The following VCAN variants were observed in gnomAD, a reference collection of about 807,000 sequenced individuals.
The protein encoded by VCAN is versican.
Under a neutral mutation model 245.5 loss-of-function variants are expected in VCAN, and 44 were observed. The observed-to-expected ratio is 0.18, with a 90% CI of 0.14 to 0.23. The LOEUF is 0.23. VCAN is among the 10% of genes least tolerant of loss of function. The pLI, the probability that VCAN is intolerant of heterozygous loss-of-function variation, is 1.00. For missense variants in VCAN, 3,793 were observed against 4,057.9 expected, an observed-to-expected ratio of 0.93 and a Z score of 1.77; for synonymous variants, 1,413 against 1,437.0, an observed-to-expected ratio of 0.98 and a Z score of 0.38.
rs1214319899 is a variant in VCAN, at chr5:83,579,839, A to G, written c.9881-141A>G. ...CAACATTACATTTTCTTTTTGAAAAATTTCATATTCTTAATTCTAAAAGAT... is the reference window on the plus strand; with the variant it reads ...CAACATTACATTTTCTTTTTGAAAAGTTTCATATTCTTAATTCTAAAAGAT... On this transcript the variant is annotated intron_variant, in intron 13 of 14. Transcript: ENST00000265077. 10 of 919,890 alleles carry G rather than the reference A, an allele frequency of 1.1e-5. No homozygotes were observed. The Admixed American group carries it at 2.3e-4, about 21-fold the overall frequency. 57.0% of individuals were successfully genotyped at this position (919,890 alleles called of 1,614,324 possible).
At chr5:83,554,265 A>T (rs1235538344) in intron 11 of VCAN, among the ~76,000 whole-genome samples, 3 of 152,228 alleles carry the variant, frequency 2.0e-5, no homozygotes, top group Non-Finnish European at 4.4e-5. Context: ...TGCTTCCCAA[A>T]GTGCTGGGAT....
At chr5:83,565,388 AGGGTGTGTGTGT>A (rs1748032833) in intron 12 of VCAN, among the ~76,000 whole-genome samples, 1 of 102,768 alleles carries the variant, frequency 9.7e-6, no homozygotes, top group Non-Finnish European at 1.9e-5. Context: ...TGTATGTGTA[AGGGTGTGTGTGT>A]GTGTGTGTGT....
intron 7 of VCAN, among the ~76,000 whole-genome samples, chr5:83,526,474 G>A (rs1455934964): frequency 6.6e-6 from 1 of 152,080 alleles, no homozygotes; most frequent in Non-Finnish European, 1.5e-5. Context: ...GGGGGACATC[G>A]AGAACCTCAC....
rs763096343 is a variant in VCAN at position 83,490,145 on chromosome 5, G to A, written c.118G>A (p.Val40Ile). ...GGTGAGGGGCTCCCTCTCTGGAAAA[G>A]TCAGCCTACCTTGTCATTTTTCAAC... ...PPVRGSLSGKVSLPCHFSTMP... is the reference protein window; with the variant it reads ...PPVRGSLSGKISLPCHFSTMP... Residue 40 changes from valine (V) to isoleucine (I), a missense_variant, in exon 3 of 15, where the codon GTC becomes ATC. Val to Ile is a conservative substitution (Grantham distance 29). Coordinates refer to ENST00000265077, the MANE Select transcript of VCAN (RefSeq NM_004385.5). 11 of 1,614,136 alleles carry A rather than the reference G, an allele frequency of 6.8e-6. No homozygotes were observed. In the Admixed American group the frequency reaches 1.8e-4, roughly 27 times the overall value.
chr5:83,488,677 T>A (rs1442187367), intron 2 of VCAN, among the ~76,000 whole-genome samples: 1 of 152,244 alleles, frequency 6.6e-6, no homozygotes, highest in Non-Finnish European at 1.5e-5. Context: ...ATAGCACACT[T>A]CACTTTGTTT....
intron 7 of VCAN, among the ~76,000 whole-genome samples, chr5:83,527,225 C>T (rs560839316): frequency 2.6e-4 from 39 of 152,194 alleles, no homozygotes; most frequent in Non-Finnish European, 5.0e-4. Flanking sequence ...TCTTCAGATA[C>T]CTGACATAGC....
At chr5:83,571,263 T>A (rs1554043479) in intron 12 of VCAN, among the ~76,000 whole-genome samples, 1 of 152,186 alleles carries the variant, frequency 6.6e-6, no homozygotes, top group Non-Finnish European at 1.5e-5. Flanking sequence ...TATTTTCATC[T>A]TATCAAAGTT....
Position 83,580,689 on chromosome 5 carries a change from T to C in VCAN, c.*255T>C. The C allele has an allele frequency of 2.1e-6, 1 of 477,284 alleles. No individual in the cohort carries two copies. The highest frequency in any genetic ancestry group is 3.8e-6 in the Non-Finnish European group (1 of 265,792). 29.6% of individuals were successfully genotyped at this position (477,284 alleles called of 1,614,324 possible). The stretch of plus-strand genomic sequence containing the variant: ...TATCTAATTTCTTTAGTTTTCTATT[T>C]GCCTCCAGTGCAGTCCATTTCCTAA... On this transcript the variant is annotated 3_prime_UTR_variant, in exon 15 of 15. Transcript: ENST00000265077.
In VCAN at chr5:83,541,787, T is replaced by C; in HGVS notation, c.8784T>C (p.Ile2928=). ...TELIAVEGTE[I]LQDFQNKTDG... Reference sequence around the variant, plus strand: ...TTATTGCTGTGGAAGGAACTGAGATTCTCCAAGATTTCCAAAACAAAACCG... The same window carrying C: ...TTATTGCTGTGGAAGGAACTGAGATCCTCCAAGATTTCCAAAACAAAACCG... Residue 2928 remains isoleucine, a synonymous_variant, in exon 8 of 15, where the codon ATT becomes ATC. Transcript: ENST00000265077. The C allele has an allele frequency of 6.2e-7, 1 of 1,614,052 alleles. No homozygotes were observed. Among genetic ancestry groups the C allele is most frequent in the Non-Finnish European group, 8.5e-7 (1 of 1,179,978 alleles).
At chr5:83,524,216 G>T (rs1007120346) in intron 7 of VCAN, among the ~76,000 whole-genome samples, 1 of 152,038 alleles carries the variant, frequency 6.6e-6, no homozygotes, top group East Asian at 1.9e-4. Flanking sequence ...GAAGTGGAGG[G>T]TCTGAGTAAG....
chr5:83,520,492 C>T lies in VCAN; in HGVS notation c.2186C>T (p.Ser729Phe). The change falls in exon 7 of 15, where the codon TCT (serine) becomes TTT (phenylalanine). Residue 729 changes from serine (S) to phenylalanine (F), a missense_variant. By Grantham distance (155) the Ser-to-Phe change is radical. Around this residue, in one of 5 missense-constraint regions of VCAN, gnomAD observed 3,182 missense variants for 3,250.3 expected, o/e 0.98. Coordinates refer to ENST00000265077, the MANE Select transcript of VCAN (RefSeq NM_004385.5). ...TTCTCTGGGATGAAACTCTCTACAT[C>T]TCTCTCAGAGCCAATTCATGTTACA... Reference protein sequence around the residue: ...EVFSGMKLSTSLSEPIHVTES... With the variant: ...EVFSGMKLSTFLSEPIHVTES... 6.2e-7 allele frequency: 1 copy of T among 1,614,006 alleles called. No individual in the cohort carries two copies. The highest frequency in any genetic ancestry group is 8.5e-7 in the Non-Finnish European group (1 of 1,179,954).
At chr5:83,522,730 C>A (rs1242295517) in intron 7 of VCAN, among the ~76,000 whole-genome samples, 1 of 152,158 alleles carries the variant, frequency 6.6e-6, no homozygotes, top group East Asian at 1.9e-4. Flanking sequence ...TTTTGCATAT[C>A]CCTAAGGTTG....
chr5:83,539,624 A>C lies in VCAN; in HGVS notation c.6621A>C (p.Leu2207Phe). ...CTACTGAAAAGTCACATTTTTTCTT[A>C]GCTACTGCATTAGTAACTGAATCTA... ...PEATEKSHFFLATALVTESIP... is the reference protein window; with the variant it reads ...PEATEKSHFFFATALVTESIP... Residue 2207 changes from leucine (L) to phenylalanine (F), a missense_variant, in exon 8 of 15, where the codon TTA becomes TTC. Physicochemically the swap from Leu to Phe is conservative, Grantham distance 22 (BLOSUM62 0). This residue lies in a region of VCAN where 3,182 missense variants were observed against 3,250.3 expected (regional missense o/e 0.98). Coordinates refer to ENST00000265077, the MANE Select transcript of VCAN (RefSeq NM_004385.5). 1.9e-6 allele frequency: 3 copies of C among 1,614,088 alleles called. No individual in the cohort carries two copies. The highest frequency in any genetic ancestry group is 2.5e-6 in the Non-Finnish European group (3 of 1,179,990).
chr5:83,514,444 G>C (rs1745776815), intron 6 of VCAN, among the ~76,000 whole-genome samples: 1 of 150,332 alleles, frequency 6.7e-6, no homozygotes. Flanking sequence ...GTGTGTGTGT[G>C]TGTGTGTATT....
chr5:83,528,460 T>A (rs955071957), intron 7 of VCAN, among the ~76,000 whole-genome samples: 1 of 152,056 alleles, frequency 6.6e-6, no homozygotes, highest in African/African-American at 2.4e-5. Context: ...CTGTTTGACA[T>A]GGCCTGCTTC....
chr5:83,539,380 T>C lies in VCAN; in HGVS notation c.6377T>C (p.Phe2126Ser). 6.2e-7 allele frequency: 1 copy of C among 1,614,022 alleles called. No individual in the cohort carries two copies. ...GAACAAATTCAAGAAGAAAAGTCAT[T>C]TGAATCCCCTCAAAACTCTCCTGCA... ...SEEQIQEEKSFESPQNSPATE... is the reference protein window; with the variant it reads ...SEEQIQEEKSSESPQNSPATE... The change falls in exon 8 of 15, where the codon TTT becomes TCT. Residue 2126 changes from phenylalanine to serine, a missense_variant. Physicochemically the swap from Phe to Ser is radical, Grantham distance 155. Around this residue, in one of 5 missense-constraint regions of VCAN, gnomAD observed 3,182 missense variants for 3,250.3 expected, o/e 0.98. Transcript: ENST00000265077.
intron 5 of VCAN, among the ~76,000 whole-genome samples, chr5:83,494,959 G>A (rs1398972329): frequency 6.6e-6 from 1 of 152,110 alleles, no homozygotes; most frequent in Non-Finnish European, 1.5e-5. Context: ...CAGCCTAGGT[G>A]ACAGAGTGAG....
Position 83,490,209 on chromosome 5 carries a change from T to G in VCAN, c.182T>G (p.Phe61Cys). ...TLPPSYNTSEFLRIKWSKIEV... is the reference protein window; with the variant it reads ...TLPPSYNTSECLRIKWSKIEV... The stretch of plus-strand genomic sequence containing the variant: ...CCACCCAGTTACAACACCAGTGAAT[T>G]TCTCCGCATCAAATGGTCTAAGATT... Residue 61 changes from phenylalanine to cysteine, a missense_variant, in exon 3 of 15, where the codon TTT becomes TGT. Physicochemically the swap from Phe to Cys is radical, Grantham distance 205 (BLOSUM62 -2). This residue lies in a region of VCAN where 179 missense variants were observed against 169.7 expected (regional missense o/e 1.05). Transcript: ENST00000265077. 6.2e-7 allele frequency: 1 copy of G among 1,614,176 alleles called. No individual in the cohort carries two copies. The highest frequency in any genetic ancestry group is 8.5e-7 in the Non-Finnish European group (1 of 1,180,018).
intron 7 of VCAN, among the ~76,000 whole-genome samples, chr5:83,526,421 A>C (rs1746303240): frequency 6.6e-6 from 1 of 152,222 alleles, no homozygotes. Flanking sequence ...GAGCCCCTGT[A>C]TCTTGAACAG....
Sources: allele counts gnomAD v4.1 joint callset (sites outside exome capture counted in the v4.1 genomes callset), GRCh38; gene constraint gnomAD v4.1.1; regional missense constraint gnomAD v4.1.1; transcripts MANE v1.5; gene names NCBI Gene and HGNC (gene_info 2026-07-23, HGNC 2026-07-21).